Variants in SPAG9 observed in about 807,000 individuals in gnomAD.
SPAG9 encodes sperm associated antigen 9, also known as C-Jun-amino-terminal kinase-interacting protein 4.
In SPAG9, 35 loss-of-function variants were observed where a neutral mutation model predicts 166.5. The ratio of observed to expected loss-of-function variants is 0.21; its 90% CI spans 0.16 to 0.28. The LOEUF (loss-of-function observed/expected upper bound fraction) is 0.28. SPAG9 is among the 10% of genes least tolerant of loss of function. The pLI is 1.00. For synonymous variants in SPAG9, 534 were observed against 565.5 expected, an observed-to-expected ratio of 0.94 and a Z score of 0.79; for missense variants, 1,235 against 1,603.3, an observed-to-expected ratio of 0.77 and a Z score of 3.92.
At chr17:51,075,890 T>C (rs1036538015) in intron 2 of SPAG9, among the ~76,000 whole-genome samples, 5 of 150,434 alleles carry the variant, frequency 3.3e-5, no homozygotes, top group Admixed American at 6.6e-5. Flanking sequence ...GGTCAGGAGA[T>C]TGAGACCATC....
chr17:51,060,542 G>C (rs1323047899), intron 2 of SPAG9, among the ~76,000 whole-genome samples: 1 of 149,336 alleles, frequency 6.7e-6, no homozygotes, highest in Non-Finnish European at 1.5e-5. Context: ...GAAGAAGGTA[G>C]GTAATTAAGG....
intron 2 of SPAG9, among the ~76,000 whole-genome samples, chr17:51,068,170 T>C (rs544773402): frequency 6.6e-6 from 1 of 152,280 alleles, no homozygotes; most frequent in African/African-American, 2.4e-5. Context: ...TTTCAGAAAC[T>C]TCTCCTTGAA....
At chr17:51,088,965 C>T (rs1375953187) in intron 1 of SPAG9, among the ~76,000 whole-genome samples, 6 of 151,752 alleles carry the variant, frequency 4.0e-5, no homozygotes, top group Non-Finnish European at 8.8e-5. Flanking sequence ...AGGTGGCACC[C>T]GCCTGTAGTC....
chr17:50,977,256 C>T, intron 26 of SPAG9, 35 bp from the exon 27 acceptor site: 1 of 1,273,734 alleles, frequency 7.9e-7, no homozygotes, highest in Non-Finnish European at 1.1e-6. Context: ...TATTGAGAAA[C>T]TAAAGCAGAC....
chr17:51,036,892 T>C (rs758074478), intron 5 of SPAG9, among the ~76,000 whole-genome samples: 8 of 152,224 alleles, frequency 5.3e-5, no homozygotes, highest in African/African-American at 1.9e-4. Flanking sequence ...AGCAATACTA[T>C]ACCACCTTAA....
At chr17:51,022,242 A>G (rs976294884) in intron 6 of SPAG9, among the ~76,000 whole-genome samples, 1 of 152,024 alleles carries the variant, frequency 6.6e-6, no homozygotes, top group Non-Finnish European at 1.5e-5. Context: ...CTTTGAAAAA[A>G]GAGAAAAGAG....
chr17:51,086,758 C>T (rs2048318050), intron 1 of SPAG9, among the ~76,000 whole-genome samples: 1 of 151,936 alleles, frequency 6.6e-6, no homozygotes, highest in South Asian at 2.1e-4. Context: ...TCAGTCTCTA[C>T]TAAAAACACA....
intron 9 of SPAG9, among the ~76,000 whole-genome samples, chr17:51,010,741 TG>T (rs1378779423): frequency 1.3e-5 from 2 of 151,860 alleles, no homozygotes; most frequent in African/African-American, 4.8e-5. Context: ...AGAGCAGCCT[TG>T]GGGGACAGAA....
At chr17:51,106,102 T>TACACAAACAC (rs2048940876) in intron 1 of SPAG9, among the ~76,000 whole-genome samples, 1 of 110,574 alleles carries the variant, frequency 9.0e-6, no homozygotes. Flanking sequence ...CCCCCATCTC[T>TACACAAACAC]ACACACACAC....
intron 4 of SPAG9, chr17:51,046,657 T>G: frequency 2.0e-6 from 3 of 1,536,000 alleles, no homozygotes. Flanking sequence ...CATCCAGGAC[T>G]CATGGCGCTG....
At chr17:51,099,086 C>T (rs551040685) in intron 1 of SPAG9, among the ~76,000 whole-genome samples, 4 of 121,748 alleles carry the variant, frequency 3.3e-5, no homozygotes, top group African/African-American at 9.9e-5. Flanking sequence ...GGTGACAGAG[C>T]GAGACTCCGT....
At chr17:51,091,476 T>C (rs1483246681) in intron 1 of SPAG9, among the ~76,000 whole-genome samples, 2 of 151,798 alleles carry the variant, frequency 1.3e-5, no homozygotes, top group Non-Finnish European at 2.9e-5. Context: ...GTTTTTTTTG[T>C]TTGTTTTTCT....
At chr17:51,014,962 A>G (rs943167577) in intron 8 of SPAG9, among the ~76,000 whole-genome samples, 1 of 152,052 alleles carries the variant, frequency 6.6e-6, no homozygotes, top group Admixed American at 6.6e-5. Context: ...GAATACTATT[A>G]TTAATAGAAA....
chr17:51,005,674 A>G (rs2045182997), intron 11 of SPAG9, among the ~76,000 whole-genome samples: 6 of 152,236 alleles, frequency 3.9e-5, no homozygotes, highest in Admixed American at 3.9e-4. Context: ...AACATGGCGA[A>G]ACCCTGTCTC....
chr17:51,056,633 T>G (rs2047369358), intron 2 of SPAG9, 151 bp from the exon 3 acceptor site: 2 of 588,382 alleles, frequency 3.4e-6, no homozygotes, highest in East Asian at 5.6e-5. Flanking sequence ...GTGACCTCAT[T>G]TCATTATCCT....
chr17:51,029,460 G>C (rs1011672644), intron 6 of SPAG9, among the ~76,000 whole-genome samples: 3 of 152,114 alleles, frequency 2.0e-5, no homozygotes, highest in African/African-American at 7.2e-5. Context: ...TCACTTCTGG[G>C]TATGTATTCA....
chr17:51,047,998 T>G (rs891078477), intron 3 of SPAG9, among the ~76,000 whole-genome samples: 1 of 152,124 alleles, frequency 6.6e-6, no homozygotes, highest in African/African-American at 2.4e-5. Context: ...GAAAAGTTTC[T>G]TCTTTCGGTA....
At chr17:51,097,621 A>C (rs997979469) in intron 1 of SPAG9, among the ~76,000 whole-genome samples, 1 of 152,074 alleles carries the variant, frequency 6.6e-6, no homozygotes, top group Non-Finnish European at 1.5e-5. Context: ...AGGTAAAATA[A>C]CCTGAGGCTT....
intron 28 of SPAG9, among the ~76,000 whole-genome samples, chr17:50,971,173 G>A (rs1973769316): frequency 6.6e-6 from 1 of 152,034 alleles, no homozygotes; most frequent in Admixed American, 6.6e-5. Flanking sequence ...CGGGAATGGT[G>A]GTATGCGCCT....
Sources: gnomAD v4.1 joint callset for allele counts (sites outside exome capture counted in the v4.1 genomes callset) on GRCh38, gnomAD v4.1.1 for gene constraint, MANE v1.5 for transcripts, NCBI Gene and HGNC (gene_info 2026-07-23, HGNC 2026-07-21) for gene names.